The following DENND1A variants were observed in gnomAD, a reference collection of about 807,000 sequenced individuals.
DENND1A encodes the protein DENN domain containing 1A, also known as DENN domain-containing protein 1A.
A neutral mutation model predicts 113.7 loss-of-function variants in DENND1A; 51 were observed. The observed-to-expected ratio is 0.45, with a 90% confidence interval of 0.36 to 0.57. The LOEUF is 0.57. Ranked by LOEUF, DENND1A falls within the 20% of genes least tolerant of loss-of-function variation. DENND1A has a pLI of 0.00. For synonymous variants in DENND1A, 565 were observed against 570.8 expected, an observed-to-expected ratio of 0.99 and a Z score of 0.14; for missense variants, 1,258 against 1,395.9, an observed-to-expected ratio of 0.90 and a Z score of 1.57.
At chr9:123,564,936 T>C (rs576591965) in intron 12 of DENND1A, among the ~76,000 whole-genome samples, 1 of 151,590 alleles carries the variant, frequency 6.6e-6, no homozygotes, top group Non-Finnish European at 1.5e-5. Flanking sequence ...CACAACAATG[T>C]ATAATGATGC....
At chr9:123,655,366 A>T (rs943827680) in intron 8 of DENND1A, among the ~76,000 whole-genome samples, 4 of 152,192 alleles carry the variant, frequency 2.6e-5, no homozygotes, top group African/African-American at 9.7e-5. Flanking sequence ...AGAACAGTGC[A>T]GTGAGGAATG....
At chr9:123,570,231 A>G (rs896992378) in intron 12 of DENND1A, among the ~76,000 whole-genome samples, 18 of 152,146 alleles carry the variant, frequency 1.2e-4, no homozygotes, top group Non-Finnish European at 1.3e-4. Flanking sequence ...AATAATCTCC[A>G]TACCTGAAGT....
chr9:123,672,641 G>T (rs866900842), intron 6 of DENND1A, among the ~76,000 whole-genome samples: 2 of 152,288 alleles, frequency 1.3e-5, no homozygotes, highest in East Asian at 1.9e-4. Flanking sequence ...TGCCATTATT[G>T]TGAGAGTGGG....
chr9:123,889,801 C>T (rs1588105776), intron 1 of DENND1A, among the ~76,000 whole-genome samples: 1 of 152,058 alleles, frequency 6.6e-6, no homozygotes, highest in Non-Finnish European at 1.5e-5. Context: ...GGTGAAACCC[C>T]GTCTCTACTA....
chr9:123,385,616 G>C (rs1200448234), intron 22 of DENND1A, among the ~76,000 whole-genome samples: 1 of 152,182 alleles, frequency 6.6e-6, no homozygotes, highest in Non-Finnish European at 1.5e-5. Context: ...GGACATGGGA[G>C]GGCTCATCAA....
intron 9 of DENND1A, among the ~76,000 whole-genome samples, chr9:123,646,293 T>C (rs1471302504): frequency 6.6e-6 from 1 of 152,102 alleles, no homozygotes; most frequent in Non-Finnish European, 1.5e-5. Context: ...GACTGAATCC[T>C]AATGGAAGAC....
intron 13 of DENND1A, among the ~76,000 whole-genome samples, chr9:123,500,287 G>A (rs2052358485): frequency 6.6e-6 from 1 of 152,166 alleles, no homozygotes; most frequent in African/African-American, 2.4e-5. Context: ...AGATACAAAA[G>A]CCCTTCATAG....
chr9:123,481,952 T>C (rs1482076873), intron 13 of DENND1A, among the ~76,000 whole-genome samples: 6 of 151,624 alleles, frequency 4.0e-5, no homozygotes, highest in Admixed American at 3.3e-4. Flanking sequence ...TGTGCCACCA[T>C]GTCTGGCTAT....
chr9:123,726,627 T>C (rs1437332376), intron 5 of DENND1A, among the ~76,000 whole-genome samples: 4 of 152,166 alleles, frequency 2.6e-5, no homozygotes, highest in Non-Finnish European at 4.4e-5. Context: ...ATAGGTAGTG[T>C]GAAATTTGCT....
At chr9:123,526,772 T>C (rs1185389482) in intron 13 of DENND1A, among the ~76,000 whole-genome samples, 6 of 152,242 alleles carry the variant, frequency 3.9e-5, no homozygotes, top group Non-Finnish European at 7.3e-5. Context: ...CAGCCCCTCT[T>C]TCTTTGGTAG....
chr9:123,848,388 A>T (rs930716984), intron 2 of DENND1A, among the ~76,000 whole-genome samples: 13 of 152,174 alleles, frequency 8.5e-5, no homozygotes, highest in Admixed American at 7.2e-4. Context: ...ATCAGTGATC[A>T]ATGATCTTTG....
chr9:123,728,851 G>A (rs144538899), intron 5 of DENND1A, among the ~76,000 whole-genome samples: 12,195 of 152,082 alleles, frequency 0.08, 524 homozygotes, highest in Admixed American at 0.11. Flanking sequence ...GATGAACATC[G>A]ATGCGAAAAT....
At chr9:123,497,719 T>G (rs1237553914) in intron 13 of DENND1A, among the ~76,000 whole-genome samples, 2 of 150,676 alleles carry the variant, frequency 1.3e-5, no homozygotes, top group African/African-American at 4.9e-5. Flanking sequence ...CCCAAAAAAC[T>G]ACGTTAGCAC....
intron 9 of DENND1A, among the ~76,000 whole-genome samples, chr9:123,639,039 T>TAAAAAAAAAAAAAAAAA (rs750972974): frequency 1.2e-3 from 40 of 32,080 alleles, no homozygotes; most frequent in East Asian, 2.1e-3. Context: ...GCATGAGTAG[T>TAAAAAAAAAAAAAAAAA]AAAAAAAAAA....
At chr9:123,584,690 G>C (rs1038560251) in intron 11 of DENND1A, among the ~76,000 whole-genome samples, 2 of 152,182 alleles carry the variant, frequency 1.3e-5, no homozygotes, top group African/African-American at 2.4e-5. Context: ...AGGAAGATGA[G>C]GTTCAGAGTG....
At chr9:123,782,243 T>C (rs1398153029) in intron 3 of DENND1A, among the ~76,000 whole-genome samples, 1 of 152,106 alleles carries the variant, frequency 6.6e-6, no homozygotes, top group African/African-American at 2.4e-5. Flanking sequence ...ATCTGGCAGG[T>C]TGGAAGAGTG....
At chr9:123,418,637 G>A (rs1417006007) in intron 19 of DENND1A, among the ~76,000 whole-genome samples, 1 of 152,194 alleles carries the variant, frequency 6.6e-6, no homozygotes, top group Admixed American at 6.5e-5. Flanking sequence ...CCTGCTGCCT[G>A]GGAGCCAGCC....
intron 11 of DENND1A, among the ~76,000 whole-genome samples, chr9:123,601,918 C>T (rs1414674567): frequency 6.6e-6 from 1 of 152,212 alleles, no homozygotes; most frequent in Non-Finnish European, 1.5e-5. Context: ...CCCCTCCTCA[C>T]CACAATCCCC....
chr9:123,815,116 A>T (rs1837235262), intron 2 of DENND1A, among the ~76,000 whole-genome samples: 1 of 152,226 alleles, frequency 6.6e-6, no homozygotes, highest in Non-Finnish European at 1.5e-5. Flanking sequence ...AATCTTACTC[A>T]AACTGTGGGT....
Sources: allele counts gnomAD v4.1 joint callset (sites outside exome capture counted in the v4.1 genomes callset), GRCh38; gene constraint gnomAD v4.1.1; transcripts MANE v1.5; gene names NCBI Gene and HGNC (gene_info 2026-07-23, HGNC 2026-07-21).